Variants in TSHZ3 observed in about 807,000 individuals in gnomAD.
TSHZ3 encodes teashirt zinc finger homeobox 3, also known as teashirt homolog 3.
Under a neutral mutation model 64.5 loss-of-function variants are expected in TSHZ3, and 10 were observed. The observed-to-expected ratio is 0.16, with a 90% CI of 0.10 to 0.26. TSHZ3 has a LOEUF of 0.26. Among genes scored for constraint, TSHZ3 ranks in the 10% least tolerant of loss-of-function variants. TSHZ3 has a pLI of 1.00. For missense variants in TSHZ3, 1,242 were observed against 1,421.7 expected (o/e 0.87, Z 2.03); for synonymous variants, 608 against 593.1 (o/e 1.03, Z -0.36).
intron 1 of TSHZ3, among the ~76,000 whole-genome samples, chr19:31,299,177 A>G (rs1976713877): frequency 6.6e-6 from 1 of 152,198 alleles, no homozygotes; most frequent in African/African-American, 2.4e-5. Context: ...CCTGGGTGAC[A>G]GGGCGAGACT....
At chr19:31,246,327 C>T (rs1456881408) in intron 1 of TSHZ3, among the ~76,000 whole-genome samples, 1 of 152,102 alleles carries the variant, frequency 6.6e-6, no homozygotes, top group African/African-American at 2.4e-5. Context: ...ATCTTTCTTA[C>T]CTGTATTTAA....
intron 1 of TSHZ3, among the ~76,000 whole-genome samples, chr19:31,285,730 G>A (rs1228872242): frequency 7.5e-6 from 1 of 133,972 alleles, no homozygotes; most frequent in East Asian, 2.5e-4. Context: ...ACTGCAGTGA[G>A]CTGTGATCGT....
chr19:31,279,950 G>T lies in TSHZ3; in HGVS notation c.41-198C>A, dbSNP rs888753694. On this transcript the variant is annotated intron_variant, in intron 1 of 1. Transcript: ENST00000240587. This position sits in a 1 kb window ranked among gnomAD's most constrained non-coding sequence, Gnocchi z 6.4. The stretch of plus-strand genomic sequence containing the variant: ...AACAGTTAAAATGTGGTGTTTCTTT[G>T]GAGCAAAAAAAAAAAAAAATCTGCT... Among the ~76,000 whole-genome samples the T allele has an allele frequency of 1.3e-4, 14 of 105,108 alleles. No individual in the cohort carries two copies. Among genetic ancestry groups the T allele is most frequent in the African/African-American group, 3.7e-4 (10 of 27,162 alleles). 69.0% of individuals were successfully genotyped at this position (105,108 alleles called of 152,430 possible).
intron 1 of TSHZ3, among the ~76,000 whole-genome samples, chr19:31,248,297 G>A (rs936396555): frequency 1.8e-4 from 27 of 152,172 alleles, no homozygotes; most frequent in African/African-American, 6.3e-4. Context: ...CTGGTAAAAT[G>A]CTAACAATTA....
At chr19:31,152,404 T>C (rs1329282395) in intron 6 of TSHZ3, among the ~76,000 whole-genome samples, 4 of 152,080 alleles carry the variant, frequency 2.6e-5, no homozygotes, top group Non-Finnish European at 4.4e-5. Context: ...AGATGCTATA[T>C]GTGGAAGGGG....
intron 1 of TSHZ3, among the ~76,000 whole-genome samples, chr19:31,290,512 A>C (rs1266244408): frequency 1.3e-5 from 2 of 152,068 alleles, no homozygotes; most frequent in African/African-American, 4.8e-5. Context: ...AGCAGGGAGA[A>C]AAAAAGGGTT....
At chr19:31,222,600 A>G (rs1599591104) in intron 4 of TSHZ3, among the ~76,000 whole-genome samples, 1 of 152,066 alleles carries the variant, frequency 6.6e-6, no homozygotes, top group African/African-American at 2.4e-5. Flanking sequence ...TCACCCTTAA[A>G]TGTTTCTCCC....
intron 1 of TSHZ3, among the ~76,000 whole-genome samples, chr19:31,257,084 G>A (rs189744786): frequency 1.3e-5 from 2 of 152,244 alleles, no homozygotes; most frequent in African/African-American, 4.8e-5. Context: ...TGCTCCAGAA[G>A]AGGTGTTTCC....
At chr19:31,193,830 A>G (rs1974947836) in intron 5 of TSHZ3, among the ~76,000 whole-genome samples, 1 of 152,222 alleles carries the variant, frequency 6.6e-6, no homozygotes, top group African/African-American at 2.4e-5. Flanking sequence ...GAAAATTGGC[A>G]ATGCAATTTT....
At chr19:31,184,347 C>T (rs1486511247) in intron 5 of TSHZ3, among the ~76,000 whole-genome samples, 1 of 152,172 alleles carries the variant, frequency 6.6e-6, no homozygotes, top group Non-Finnish European at 1.5e-5. Flanking sequence ...GTATTTTCTT[C>T]TGTGTTGAAA....
In TSHZ3 at chr19:31,322,408, G is replaced by A. The variant is rs527883573; in HGVS notation, c.40+26772C>T. Among the ~76,000 whole-genome samples the A allele has an allele frequency of 8.7e-5, 13 of 150,112 alleles. No individual in the cohort carries two copies. The East Asian group carries it at 1.4e-3, about 16-fold the overall frequency. On this transcript the variant is annotated intron_variant, in intron 1 of 1. Coordinates refer to ENST00000240587, the MANE Select transcript of TSHZ3 (RefSeq NM_020856.4). ...GCTGGGATTACAGGCGTGAGCCCCC[G>A]TGCCTAGCCTTATGTATGTATTTTT...
intron 5 of TSHZ3, among the ~76,000 whole-genome samples, chr19:31,191,327 CA>C (rs1443230045): frequency 6.6e-6 from 1 of 151,896 alleles, no homozygotes; most frequent in African/African-American, 2.4e-5. Context: ...AAGAAAAAAG[CA>C]ATATGAGTAC....
Position 31,161,052 on chromosome 19 carries a change from A to G in TSHZ3, n.810-4635T>C, listed in dbSNP as rs557191152. Among the ~76,000 whole-genome samples, 4 of 152,248 alleles carry G rather than the reference A, an allele frequency of 2.6e-5. 1 individual carries two copies. In the South Asian group the frequency reaches 8.3e-4, roughly 32 times the overall value. ...TTACATAGTTCCAAAGTTAAATTTT[A>G]TTTAACATTCATTTATATATCTTTG... On this transcript the variant is annotated intron_variant and non_coding_transcript_variant, in intron 5 of 6. Transcript: ENST00000651361.
At position 31,172,674 on chromosome 19, in the gene TSHZ3, G is replaced by A. The variant is rs35609575; in HGVS notation, n.810-16257C>T. Among the ~76,000 whole-genome samples, 1,512 of 152,326 alleles carry A rather than the reference G, an allele frequency of 9.9e-3. 13 individuals are homozygous for A. The highest frequency in any genetic ancestry group is 0.014 in the Non-Finnish European group (983 of 68,040). ...ATCATATTTTATTTCAGAAGTATCT[G>A]CAGGGAACAGAAGAATAGAACAAAG... On this transcript the variant is annotated intron_variant and non_coding_transcript_variant, in intron 5 of 6. Coordinates refer to the TSHZ3 transcript ENST00000651361.
chr19:31,180,234 T>TGAATGAATGAATGAAC (rs1974691007), intron 5 of TSHZ3, among the ~76,000 whole-genome samples: 1 of 152,044 alleles, frequency 6.6e-6, no homozygotes, highest in Non-Finnish European at 1.5e-5. Flanking sequence ...AGTGAGTGAA[T>TGAATGAATGAATGAAC]GAATGAATGA....
At chr19:31,282,059 C>T (rs1199381973) in intron 1 of TSHZ3, among the ~76,000 whole-genome samples, 1 of 152,168 alleles carries the variant, frequency 6.6e-6, no homozygotes, top group East Asian at 1.9e-4. Flanking sequence ...ATAATCCTCT[C>T]GGGGAACAGC....
At chr19:31,187,475 GT>G (rs1403272963) in intron 5 of TSHZ3, among the ~76,000 whole-genome samples, 3 of 151,602 alleles carry the variant, frequency 2.0e-5, no homozygotes, top group East Asian at 1.9e-4. Context: ...ATGGTTTGCA[GT>G]TTTTTTCATT....
At chr19:31,207,488 CTT>C (rs1242057205) in intron 4 of TSHZ3, 3 of 151,980 alleles carry the variant, frequency 2.0e-5, no homozygotes, top group African/African-American at 7.3e-5. Flanking sequence ...TTTTTTCTCT[CTT>C]AATTCCAGGG....
At chr19:31,313,701 G>A (rs1325825263) in intron 1 of TSHZ3, among the ~76,000 whole-genome samples, 2 of 152,328 alleles carry the variant, frequency 1.3e-5, no homozygotes, top group Non-Finnish European at 2.9e-5. Context: ...CCTGAACAAC[G>A]AAATGCATGG....
Sources: gnomAD v4.1 joint callset for allele counts (sites outside exome capture counted in the v4.1 genomes callset) on GRCh38, gnomAD v4.1.1 for gene constraint, Gnocchi (gnomAD v3.1) non-coding constraint, MANE v1.5 for transcripts, NCBI Gene and HGNC (gene_info 2026-07-23, HGNC 2026-07-21) for gene names.